Variants in GLRA2 observed in about 807,000 individuals in gnomAD.
The protein encoded by GLRA2 is glycine receptor subunit alpha-2.
Under a neutral mutation model 31.6 loss-of-function variants are expected in GLRA2, and 11 were observed. The observed-to-expected ratio is 0.35, with a 90% CI of 0.22 to 0.58. The LOEUF is 0.58. Ranked by LOEUF, GLRA2 falls within the 20% of genes least tolerant of loss-of-function variation. GLRA2 has a pLI of 0.84. For synonymous variants in GLRA2, 132 were observed against 134.0 expected, an observed-to-expected ratio of 0.99 and a Z score of 0.10; for missense variants, 212 against 351.8, an observed-to-expected ratio of 0.60 and a Z score of 3.18.
chrX:14,473,139 T>C, the GLRA2 span, among the ~76,000 whole-genome samples: 8 of 111,648 alleles, frequency 7.2e-5, no homozygotes, highest in East Asian at 2.3e-3. Context: ...CGTGTACTAG[T>C]TTGACTCTTG....
chrX:14,468,454 A>G, the GLRA2 span, among the ~76,000 whole-genome samples: 1 of 111,687 alleles, frequency 9.0e-6, no homozygotes, highest in African/African-American at 3.3e-5. Context: ...CTGAATGTGG[A>G]TAGCAGGGCT....
chrX:14,643,361 C>G (rs1271902382), intron 7 of GLRA2, among the ~76,000 whole-genome samples: 1 of 111,435 alleles, frequency 9.0e-6, no homozygotes, highest in African/African-American at 3.3e-5. Flanking sequence ...TGTTAGGCAG[C>G]AATAGAAAAG....
intron 7 of GLRA2, among the ~76,000 whole-genome samples, chrX:14,663,245 T>C (rs2091008566): frequency 9.0e-6 from 1 of 111,612 alleles, no homozygotes; most frequent in Admixed American, 9.6e-5. Flanking sequence ...TTGGCTTTTG[T>C]ATATATATTT....
chrX:14,639,684 T>G (rs1259629910), intron 7 of GLRA2, among the ~76,000 whole-genome samples: 1 of 111,701 alleles, frequency 9.0e-6, no homozygotes, highest in Non-Finnish European at 1.9e-5. Context: ...TTTGTAAAAT[T>G]TCTAAATTCT....
the GLRA2 span, among the ~76,000 whole-genome samples, chrX:14,467,369 A>G: frequency 8.9e-6 from 1 of 112,035 alleles, no homozygotes; most frequent in Non-Finnish European, 1.9e-5. Context: ...TAGTACTATG[A>G]GGTTCTGCAT....
chrX:14,458,993 T>A, the GLRA2 span, among the ~76,000 whole-genome samples: 1 of 112,065 alleles, frequency 8.9e-6, no homozygotes, highest in Non-Finnish European at 1.9e-5. Context: ...TTCTAGGGTT[T>A]TTATGGTTTT....
At chrX:14,471,377 T>G in the GLRA2 span, among the ~76,000 whole-genome samples, 1 of 111,588 alleles carries the variant, frequency 9.0e-6, no homozygotes, top group Admixed American at 9.5e-5. Context: ...CCATTCTCAT[T>G]TAAGAACTAG....
intron 4 of GLRA2, among the ~76,000 whole-genome samples, chrX:14,581,766 GCACACACACACACACACA>G (rs57962541): frequency 2.2e-4 from 20 of 90,876 alleles, no homozygotes; most frequent in East Asian, 3.6e-4. Flanking sequence ...ATTCAAGCAT[GCACACACACACACACACA>G]CACACACACA....
chrX:14,638,849 CAG>C (rs1190907072), intron 7 of GLRA2, among the ~76,000 whole-genome samples: 2 of 111,452 alleles, frequency 1.8e-5, no homozygotes, highest in South Asian at 3.7e-4. Context: ...AAAAGCCAAA[CAG>C]AGTAAATGGA....
chrX:14,529,876 A>G lies in GLRA2; in HGVS notation c.-182A>G. 2.2e-6 allele frequency: 1 copy of G among 452,384 alleles called. No homozygotes were observed. Among genetic ancestry groups the G allele is most frequent in the Non-Finnish European group, 3.9e-6 (1 of 258,656 alleles). The allele number at this position is 452,384 out of a possible 1,213,427, so 37.3% of individuals were successfully genotyped here. On this transcript the variant is annotated 5_prime_UTR_variant, in exon 1 of 9. An upstream start codon of the reference 5' UTR is lost. Coordinates refer to ENST00000218075, the MANE Select transcript of GLRA2 (RefSeq NM_002063.4). ...CAAGCCTCGGTTTGACCTGACCATG[A>G]TGCCCAGGACTGGCACTTTTTCTTT...
At chrX:14,531,916 T>C (rs952296403) in intron 1 of GLRA2, among the ~76,000 whole-genome samples, 7 of 111,612 alleles carry the variant, frequency 6.3e-5, no homozygotes, top group African/African-American at 1.9e-4. Flanking sequence ...AAAAATATCA[T>C]CTCATTTCTC....
At chrX:14,690,636 T>TAGGA in intron 7 of GLRA2, 74 bp from the exon 8 acceptor site, 1 of 741,159 alleles carries the variant, frequency 1.3e-6, no homozygotes, top group Non-Finnish European at 2.1e-6. Context: ...TCTGGTTTCC[T>TAGGA]GGCAGGCTTT....
chrX:14,694,548 G>A (rs1447845831), intron 8 of GLRA2, among the ~76,000 whole-genome samples: 1 of 112,140 alleles, frequency 8.9e-6, no homozygotes, highest in Non-Finnish European at 1.9e-5. Flanking sequence ...GTGGATAGTT[G>A]TGGTGTCAAG....
chrX:14,474,755 C>A, the GLRA2 span, among the ~76,000 whole-genome samples: 1 of 107,867 alleles, frequency 9.3e-6, no homozygotes, highest in African/African-American at 3.4e-5. Flanking sequence ...TGGGGCCTCT[C>A]CCCTTATAGT....
intron 7 of GLRA2, among the ~76,000 whole-genome samples, chrX:14,672,221 C>T (rs774722417): frequency 3.6e-5 from 4 of 112,167 alleles, no homozygotes; most frequent in South Asian, 7.6e-4. Flanking sequence ...CTTTCTCTTA[C>T]TTTAGATAGT....
intron 8 of GLRA2, among the ~76,000 whole-genome samples, chrX:14,692,038 T>G (rs1490203982): frequency 5.4e-5 from 6 of 111,941 alleles, no homozygotes; most frequent in Non-Finnish European, 1.1e-4. Flanking sequence ...TTGTGAGACA[T>G]TGCTTATATT....
chrX:14,659,305 C>T (rs1336369436), intron 7 of GLRA2, among the ~76,000 whole-genome samples: 1 of 111,403 alleles, frequency 9.0e-6, no homozygotes. Flanking sequence ...TCTAGAAGAC[C>T]CTCATAGCAC....
At chrX:14,563,539 T>A (rs2089761044) in intron 2 of GLRA2, among the ~76,000 whole-genome samples, 1 of 111,861 alleles carries the variant, frequency 8.9e-6, no homozygotes, top group Non-Finnish European at 1.9e-5. Flanking sequence ...TATACAGTTT[T>A]CAACAAAAAT....
intron 8 of GLRA2, among the ~76,000 whole-genome samples, chrX:14,705,807 T>C (rs2091612453): frequency 8.9e-6 from 1 of 111,854 alleles, no homozygotes; most frequent in African/African-American, 3.3e-5. Context: ...TTTTGTTGGG[T>C]GTATGATTTA....
Sources: allele counts gnomAD v4.1 joint callset (sites outside exome capture counted in the v4.1 genomes callset), GRCh38; gene constraint gnomAD v4.1.1; transcripts MANE v1.5; gene names NCBI Gene and HGNC (gene_info 2026-07-23, HGNC 2026-07-21).